Variants in ZNF385B observed in about 807,000 individuals in gnomAD.
The protein encoded by ZNF385B is zinc finger protein 385B.
A neutral mutation model predicts 39.2 loss-of-function variants in ZNF385B; 23 were observed. The ratio of observed to expected loss-of-function variants is 0.59; its 90% CI spans 0.42 to 0.83. The LOEUF (loss-of-function observed/expected upper bound fraction) is 0.83, where lower values mean the gene tolerates loss of function less well. ZNF385B is among the 40% of genes least tolerant of loss of function. ZNF385B has a pLI of 0.00. For synonymous variants in ZNF385B, 205 were observed against 222.6 expected (o/e 0.92, Z 0.70); for missense variants, 552 against 598.9 (o/e 0.92, Z 0.82).
chr2:179,722,252 T>C (rs1700740723), intron 3 of ZNF385B, among the ~76,000 whole-genome samples: 4 of 152,096 alleles, frequency 2.6e-5, no homozygotes, highest in Admixed American at 2.0e-4. Flanking sequence ...ATAAAAAGAC[T>C]CAACATTTGC....
chr2:179,493,536 C>CGTATACATATGTGTGTACATATATGA (rs2055543696), intron 5 of ZNF385B, among the ~76,000 whole-genome samples: 1 of 149,708 alleles, frequency 6.7e-6, no homozygotes. Flanking sequence ...TACATATATG[C>CGTATACATATGTGTGTACATATATGA]GTATACATAC....
At chr2:179,521,353 G>T (rs1365927655) in intron 4 of ZNF385B, among the ~76,000 whole-genome samples, 41 of 108,162 alleles carry the variant, frequency 3.8e-4, no homozygotes, top group South Asian at 1.1e-3. Context: ...CACCTGGCCA[G>T]TTTTTTTTTT....
intron 1 of ZNF385B, among the ~76,000 whole-genome samples, chr2:179,818,946 C>A (rs1361211790): frequency 6.6e-6 from 1 of 151,892 alleles, no homozygotes; most frequent in Admixed American, 6.6e-5. Context: ...CTAAGGTAGG[C>A]TTTCTTTTTG....
At chr2:179,750,568 A>G (rs1702613337) in intron 3 of ZNF385B, among the ~76,000 whole-genome samples, 1 of 152,030 alleles carries the variant, frequency 6.6e-6, no homozygotes, top group African/African-American at 2.4e-5. Context: ...CGGATGCCCT[A>G]TTTTCAAAGG....
intron 1 of ZNF385B, among the ~76,000 whole-genome samples, chr2:179,844,592 A>G (rs1708704700): frequency 6.6e-6 from 1 of 152,322 alleles, no homozygotes; most frequent in African/African-American, 2.4e-5. Context: ...GAAGCAAGGA[A>G]GAAAAGGAAA....
At chr2:179,809,898 C>T (rs1324675719) in intron 1 of ZNF385B, among the ~76,000 whole-genome samples, 2 of 151,752 alleles carry the variant, frequency 1.3e-5, no homozygotes, top group African/African-American at 4.8e-5. Flanking sequence ...TAAGCATGTT[C>T]TGAAAAAAAT....
At chr2:179,696,561 T>G (rs147394995) in intron 3 of ZNF385B, among the ~76,000 whole-genome samples, 1 of 152,046 alleles carries the variant, frequency 6.6e-6, no homozygotes, top group Admixed American at 6.6e-5. Flanking sequence ...AGAAATAATT[T>G]GTAGTCACTT....
chr2:179,753,400 A>T (rs1702805655), intron 3 of ZNF385B, among the ~76,000 whole-genome samples: 1 of 152,228 alleles, frequency 6.6e-6, no homozygotes, highest in South Asian at 2.1e-4. Context: ...CTTTTGGCTT[A>T]GGATTGTCTT....
chr2:179,828,112 A>C (rs1206135284), intron 1 of ZNF385B, among the ~76,000 whole-genome samples: 4 of 152,026 alleles, frequency 2.6e-5, no homozygotes, highest in Non-Finnish European at 5.9e-5. Context: ...GTCTACTATC[A>C]ATTGATATTT....
rs1559230905 is a variant in ZNF385B at position 179,446,783 on chromosome 2, C to G, written c.716-13G>C. 1 of 1,596,738 alleles carries G rather than the reference C, an allele frequency of 6.3e-7. No homozygotes were observed. The highest frequency in any genetic ancestry group is 2.2e-5 in the East Asian group (1 of 44,762). ...TTCCCTTTATCTTCTAAGAGAAACA[C>G]AGAGAGATCTTATTGAAGCCTCATA... On this transcript the variant is annotated splice_polypyrimidine_tract_variant and intron_variant, in intron 6 of 9. Transcript: ENST00000410066.
At chr2:179,530,255 G>A (rs1039768654) in intron 4 of ZNF385B, among the ~76,000 whole-genome samples, 5 of 151,998 alleles carry the variant, frequency 3.3e-5, no homozygotes, top group African/African-American at 9.7e-5. Flanking sequence ...ATAAATCTGA[G>A]AAATATCTTT....
At chr2:179,458,516 G>A (rs1375056957) in intron 6 of ZNF385B, among the ~76,000 whole-genome samples, 3 of 152,158 alleles carry the variant, frequency 2.0e-5, no homozygotes, top group African/African-American at 7.2e-5. Flanking sequence ...AAATAAGTCT[G>A]CTTTGATGTG....
At chr2:179,493,767 A>G (rs1424818886) in intron 5 of ZNF385B, among the ~76,000 whole-genome samples, 1 of 89,164 alleles carries the variant, frequency 1.1e-5, no homozygotes, top group Non-Finnish European at 2.6e-5. Context: ...ATATATGTAT[A>G]CATATATGTA....
At chr2:179,840,934 A>T (rs1223388809) in intron 1 of ZNF385B, among the ~76,000 whole-genome samples, 1 of 152,236 alleles carries the variant, frequency 6.6e-6, no homozygotes, top group African/African-American at 2.4e-5. Flanking sequence ...CTGAGCTTTA[A>T]AGAATGCTTA....
chr2:179,748,992 A>G (rs1458191752), intron 3 of ZNF385B, among the ~76,000 whole-genome samples: 1 of 152,112 alleles, frequency 6.6e-6, no homozygotes, highest in Non-Finnish European at 1.5e-5. Flanking sequence ...CTAGAACACA[A>G]TCACAAAGTC....
chr2:179,673,667 A>G (rs1696355558), intron 3 of ZNF385B, among the ~76,000 whole-genome samples: 1 of 152,176 alleles, frequency 6.6e-6, no homozygotes, highest in African/African-American at 2.4e-5. Flanking sequence ...CCCCTTTGGA[A>G]AGCCTACTAT....
At chr2:179,716,361 A>T (rs918990710) in intron 3 of ZNF385B, among the ~76,000 whole-genome samples, 2 of 152,212 alleles carry the variant, frequency 1.3e-5, no homozygotes, top group African/African-American at 4.8e-5. Context: ...TTACATGCTT[A>T]TAAATCTATG....
At chr2:179,584,616 A>C (rs894387767) in intron 3 of ZNF385B, among the ~76,000 whole-genome samples, 2 of 152,164 alleles carry the variant, frequency 1.3e-5, no homozygotes, top group African/African-American at 4.8e-5. Context: ...GAAGGCATGG[A>C]GTGGGGAAGT....
intron 5 of ZNF385B, among the ~76,000 whole-genome samples, chr2:179,510,923 T>C (rs2057633554): frequency 6.6e-6 from 1 of 152,132 alleles, no homozygotes; most frequent in Non-Finnish European, 1.5e-5. Context: ...AATAGCCAAA[T>C]GTGGAATCCC....
Sources: gnomAD v4.1 joint callset for allele counts (sites outside exome capture counted in the v4.1 genomes callset) on GRCh38, gnomAD v4.1.1 for gene constraint, MANE v1.5 for transcripts, NCBI Gene and HGNC (gene_info 2026-07-23, HGNC 2026-07-21) for gene names.